Variants in SRBD1 observed in about 807,000 individuals in gnomAD.
SRBD1 encodes the protein S1 RNA binding domain 1.
A neutral mutation model predicts 115.3 loss-of-function variants in SRBD1; 88 were observed. The ratio of observed to expected loss-of-function variants is 0.76; its 90% confidence interval spans 0.64 to 0.91. The LOEUF is 0.91. Ranked by LOEUF, SRBD1 falls within the 40% of genes least tolerant of loss-of-function variation. SRBD1 has a pLI of 0.00. For missense variants in SRBD1, 1,385 were observed against 1,177.4 expected (o/e 1.18, Z -2.58); for synonymous variants, 509 against 407.7 (o/e 1.25, Z -2.99).
At chr2:45,609,332 C>G (rs1462549665) in intron 1 of SRBD1, among the ~76,000 whole-genome samples, 1 of 152,144 alleles carries the variant, frequency 6.6e-6, no homozygotes, top group Admixed American at 6.6e-5. Context: ...ATAAGATCCT[C>G]CTCCAAAATG....
At chr2:45,405,755 A>AAAGAGTTAAGAATGGC (rs72325337) in intron 19 of SRBD1, among the ~76,000 whole-genome samples, 2 of 15,064 alleles carry the variant, frequency 1.3e-4, no homozygotes, top group Admixed American at 6.3e-4. Flanking sequence ...AGAATGGGTA[A>AAAGAGTTAAGAATGGC]AAGAGACGAC....
chr2:45,440,487 A>G (rs1195673054), intron 16 of SRBD1, among the ~76,000 whole-genome samples: 1 of 152,316 alleles, frequency 6.6e-6, no homozygotes, highest in East Asian at 1.9e-4. Flanking sequence ...AAACATTAGT[A>G]TATCTGAACT....
chr2:45,400,139 A>G (rs1667253278), intron 19 of SRBD1, among the ~76,000 whole-genome samples: 1 of 152,178 alleles, frequency 6.6e-6, no homozygotes, highest in African/African-American at 2.4e-5. Flanking sequence ...TGTCCTCTGA[A>G]TGGGCAAAAA....
chr2:45,429,593 AC>A (rs1668268735), intron 16 of SRBD1, among the ~76,000 whole-genome samples: 2 of 152,140 alleles, frequency 1.3e-5, no homozygotes, highest in Admixed American at 6.5e-5. Flanking sequence ...AAAATTCAAC[AC>A]CCCTTCATGC....
chr2:45,523,730 A>C (rs1486571662), intron 14 of SRBD1, among the ~76,000 whole-genome samples: 1 of 151,964 alleles, frequency 6.6e-6, no homozygotes, highest in Non-Finnish European at 1.5e-5. Context: ...GGTGGTTTTA[A>C]AACTGAATTC....
At chr2:45,422,394 T>C (rs1294445765) in intron 16 of SRBD1, among the ~76,000 whole-genome samples, 1 of 152,160 alleles carries the variant, frequency 6.6e-6, no homozygotes, top group East Asian at 1.9e-4. Context: ...CCACAGACAA[T>C]GGTGACTGGT....
intron 2 of SRBD1, among the ~76,000 whole-genome samples, 187 bp downstream of exon 2, chr2:45,605,175 T>A (rs1243251033): frequency 6.6e-6 from 1 of 152,230 alleles, no homozygotes; most frequent in African/African-American, 2.4e-5. Context: ...CTCCTTTCGA[T>A]ACTTTATTAG....
intron 16 of SRBD1, among the ~76,000 whole-genome samples, chr2:45,465,505 C>G (rs1442089420): frequency 6.6e-6 from 1 of 152,128 alleles, no homozygotes; most frequent in Admixed American, 6.5e-5. Flanking sequence ...ACCATGGTCC[C>G]TGTCTGGACA....
chr2:45,600,134 C>G (rs893180122), intron 3 of SRBD1, among the ~76,000 whole-genome samples: 1 of 152,118 alleles, frequency 6.6e-6, no homozygotes, highest in African/African-American at 2.4e-5. Context: ...ACTTTTCTGT[C>G]ATGGTAGATA....
chr2:45,571,527 A>AAAAAAAAAAAAAAAAAAC, intron 9 of SRBD1, among the ~76,000 whole-genome samples: 1 of 148,834 alleles, frequency 6.7e-6, no homozygotes, highest in South Asian at 2.1e-4. Context: ...CAAAAAAAAA[A>AAAAAAAAAAAAAAAAAAC]AAAAAAAAAA....
chr2:45,568,438 G>C (rs955456313), intron 9 of SRBD1, among the ~76,000 whole-genome samples: 1 of 152,182 alleles, frequency 6.6e-6, no homozygotes, highest in Non-Finnish European at 1.5e-5. Flanking sequence ...CAGCACTATA[G>C]GAATTGGGAA....
chr2:45,537,390 C>T (rs1311599538), intron 14 of SRBD1, among the ~76,000 whole-genome samples: 3 of 152,144 alleles, frequency 2.0e-5, no homozygotes, highest in Admixed American at 1.3e-4. Context: ...ATCTTTTTGT[C>T]TGTCTTCTCC....
At chr2:45,504,888 C>A (rs1024233039) in intron 14 of SRBD1, among the ~76,000 whole-genome samples, 1 of 152,062 alleles carries the variant, frequency 6.6e-6, no homozygotes, top group Admixed American at 6.6e-5. Flanking sequence ...GCAATTTCCT[C>A]GTGAAGTCTT....
chr2:45,578,706 G>A (rs553585993), intron 7 of SRBD1, among the ~76,000 whole-genome samples: 15 of 152,192 alleles, frequency 9.9e-5, no homozygotes, highest in African/African-American at 3.6e-4. Flanking sequence ...GTGGGGGCGG[G>A]GTGGAAAGAC....
At chr2:45,407,176 G>T (rs186382990) in intron 19 of SRBD1, among the ~76,000 whole-genome samples, 1 of 152,206 alleles carries the variant, frequency 6.6e-6, no homozygotes, top group East Asian at 1.9e-4. Flanking sequence ...AACCTCACAG[G>T]GTTGCTGTGT....
chr2:45,550,263 T>A (rs1329776747), intron 12 of SRBD1, among the ~76,000 whole-genome samples: 1 of 152,060 alleles, frequency 6.6e-6, no homozygotes, highest in Non-Finnish European at 1.5e-5. Context: ...TGTATGTAAT[T>A]GGAGTTCCAG....
intron 16 of SRBD1, among the ~76,000 whole-genome samples, chr2:45,459,493 G>C (rs555882082): frequency 1.3e-5 from 2 of 152,112 alleles, no homozygotes; most frequent in African/African-American, 4.8e-5. Flanking sequence ...ATGACCTTGA[G>C]GGTCCCTTGT....
chr2:45,420,820 A>G (rs1667973312), intron 16 of SRBD1, among the ~76,000 whole-genome samples: 1 of 152,194 alleles, frequency 6.6e-6, no homozygotes, highest in Admixed American at 6.5e-5. Context: ...CATTCTTAGA[A>G]GCTTTGATGA....
At chr2:45,546,888 A>G in intron 13 of SRBD1, 49 bp from the exon 14 acceptor site, 1 of 1,550,416 alleles carries the variant, frequency 6.4e-7, no homozygotes, top group Non-Finnish European at 8.9e-7. Context: ...GCATGCTTTG[A>G]AATCAGCTGG....
Sources: gnomAD v4.1 joint callset for allele counts (sites outside exome capture counted in the v4.1 genomes callset) on GRCh38, gnomAD v4.1.1 for gene constraint, MANE v1.5 for transcripts, NCBI Gene and HGNC (gene_info 2026-07-23, HGNC 2026-07-21) for gene names.